The following CENPC variants were observed in gnomAD, a reference collection of about 807,000 sequenced individuals.
The protein encoded by CENPC is CENP-C 1.
In CENPC, 63 loss-of-function variants were observed where a neutral mutation model predicts 112.1. The observed-to-expected ratio is 0.56, with a 90% CI of 0.46 to 0.69. The LOEUF is 0.69. Among genes scored for constraint, CENPC ranks in the 30% least tolerant of loss-of-function variants. CENPC has a pLI of 0.00. For synonymous variants in CENPC, 333 were observed against 367.6 expected, an observed-to-expected ratio of 0.91 and a Z score of 1.08; for missense variants, 1,000 against 1,103.8, an observed-to-expected ratio of 0.91 and a Z score of 1.33.
intron 18 of CENPC, among the ~76,000 whole-genome samples, chr4:67,473,292 G>A (rs760476177): frequency 6.6e-6 from 1 of 152,086 alleles, no homozygotes; most frequent in Non-Finnish European, 1.5e-5. Context: ...ACAAATAACA[G>A]CAAAAGTGAA....
chr4:67,504,817 G>A (rs970254544), intron 12 of CENPC, among the ~76,000 whole-genome samples: 15 of 151,336 alleles, frequency 9.9e-5, no homozygotes, highest in East Asian at 1.9e-4. Flanking sequence ...GCGAGACTCC[G>A]TCTCAAACAA....
intron 9 of CENPC, among the ~76,000 whole-genome samples, chr4:67,511,568 T>C (rs1725892575): frequency 6.6e-6 from 1 of 152,194 alleles, no homozygotes; most frequent in Admixed American, 6.6e-5. Flanking sequence ...TTCAGGATTG[T>C]TCCCGTCATT....
chr4:67,502,841 G>C (rs964230118), intron 12 of CENPC, among the ~76,000 whole-genome samples: 5 of 151,984 alleles, frequency 3.3e-5, no homozygotes, highest in African/African-American at 1.2e-4. Flanking sequence ...TATACACCAC[G>C]TATCGTCCAT....
At chr4:67,490,842 AT>A (rs1560422675) in intron 16 of CENPC, among the ~76,000 whole-genome samples, 79 of 9,340 alleles carry the variant, frequency 8.5e-3, no homozygotes, top group South Asian at 0.015. Context: ...AAATAAATAT[AT>A]ATATATATAT....
chr4:67,528,548 T>C (rs1363533327), intron 5 of CENPC, among the ~76,000 whole-genome samples: 1 of 152,200 alleles, frequency 6.6e-6, no homozygotes, highest in African/African-American at 2.4e-5. Context: ...AAATACCTCA[T>C]GTAAGTAGAA....
intron 9 of CENPC, 98 bp downstream of exon 9, chr4:67,512,304 T>C (rs1725913653): frequency 1.2e-6 from 1 of 855,916 alleles, no homozygotes; most frequent in African/African-American, 1.8e-5. Context: ...AACTTGGTCC[T>C]CATGATATTC....
Position 67,508,977 on chromosome 4 carries a change from G to A in CENPC, c.1741C>T (p.Gln581Ter). ...IRKKTIPLKR[Q>*]KTATKGNQRV... ...TGGTTGCCTTTAGTTGCTGTCTTCT[G>A]CCTTTTAAGTGGAATAGTTTTTTTC... The change falls in exon 10 of 19, where the codon CAG becomes TAG. Residue 581 changes from glutamine to a stop codon, truncating the protein, a stop_gained. Coordinates refer to ENST00000273853, the MANE Select transcript of CENPC (RefSeq NM_001812.4). LOFTEE classifies it high-confidence loss of function. The A allele has an allele frequency of 6.2e-7, 1 of 1,613,398 alleles. No homozygotes were observed. Among genetic ancestry groups the A allele is most frequent in the South Asian group, 1.1e-5 (1 of 91,060 alleles).
chr4:67,495,278 T>C, intron 12 of CENPC, 66 bp from the exon 13 acceptor site: 1 of 1,374,484 alleles, frequency 7.3e-7, no homozygotes, highest in African/African-American at 1.5e-5. Flanking sequence ...TAAAATGTGT[T>C]TCCTGGTCAA....
chr4:67,541,475 T>A (rs1726889206), intron 2 of CENPC, among the ~76,000 whole-genome samples: 1 of 152,176 alleles, frequency 6.6e-6, no homozygotes, highest in Admixed American at 6.5e-5. Flanking sequence ...ATCTTAACAG[T>A]TTATGAATCA....
At chr4:67,475,549 G>A (rs1189789848) in intron 17 of CENPC, among the ~76,000 whole-genome samples, 4 of 152,154 alleles carry the variant, frequency 2.6e-5, no homozygotes, top group Non-Finnish European at 5.9e-5. Context: ...AGAATACCTG[G>A]TCAAGCTCAT....
intron 8 of CENPC, among the ~76,000 whole-genome samples, chr4:67,513,801 C>G (rs1037450889): frequency 1.3e-5 from 2 of 152,014 alleles, no homozygotes; most frequent in Non-Finnish European, 2.9e-5. Context: ...ATCATTCTGT[C>G]TTATTCATCT....
intron 3 of CENPC, 134 bp from the exon 4 acceptor site, chr4:67,540,068 G>A: frequency 2.0e-6 from 1 of 493,534 alleles, no homozygotes; most frequent in Admixed American, 4.3e-5. Context: ...AAATCAAGTA[G>A]AGACCTCAAT....
In CENPC at chr4:67,519,087, T is replaced by C. The variant is rs1726141678; in HGVS notation, c.617+130A>G. 4.5e-6 allele frequency: 3 copies of C among 672,010 alleles called. No individual in the cohort carries two copies. In the South Asian group the frequency reaches 8.0e-5, roughly 18 times the overall value. The allele number at this position is 672,010 out of a possible 1,614,324, so 41.6% of individuals were successfully genotyped here. ...ACAAACTGAATATATGCTAAATGTA[T>C]ACTTTCTCATAACATGTTAATATTC... On this transcript the variant is annotated intron_variant, in intron 6 of 18. Transcript: ENST00000273853.
intron 17 of CENPC, among the ~76,000 whole-genome samples, chr4:67,487,482 C>A (rs1725125278): frequency 6.6e-6 from 1 of 151,776 alleles, no homozygotes; most frequent in Admixed American, 6.6e-5. Flanking sequence ...TTAATGGTTT[C>A]TGATTAGTAG....
chr4:67,520,790 T>A (rs779508129), intron 5 of CENPC, among the ~76,000 whole-genome samples: 13 of 152,076 alleles, frequency 8.5e-5, no homozygotes, highest in Non-Finnish European at 1.8e-4. Flanking sequence ...AACGGGTGGA[T>A]CACTGGAGGC....
chr4:67,511,089 T>A lies in CENPC; in HGVS notation c.1612+1313A>T, dbSNP rs1276407674. On this transcript the variant is annotated intron_variant, in intron 9 of 18. Transcript: ENST00000273853. ...ATTATTTAACACTTCAATACTAACA[T>A]ATGCCACCTACTATGCTAATTGCAT... is the stretch of plus-strand genomic sequence containing the variant. The A allele has an allele frequency of 1.1e-5, 5 of 454,590 alleles. No homozygotes were observed. In the Admixed American group the frequency reaches 1.2e-4, roughly 11 times the overall value. 28.2% of individuals were successfully genotyped at this position (454,590 alleles called of 1,614,324 possible). A position where few individuals can be genotyped will look rare whatever the true frequency, so the allele number is the denominator to read the frequency against.
At chr4:67,479,876 A>C (rs1052897713) in intron 17 of CENPC, among the ~76,000 whole-genome samples, 20 of 152,246 alleles carry the variant, frequency 1.3e-4, no homozygotes, top group Non-Finnish European at 2.9e-4. Context: ...TCGTATGAAC[A>C]CCTTTATGTA....
At chr4:67,475,473 T>C (rs901193540) in intron 17 of CENPC, among the ~76,000 whole-genome samples, 1 of 152,238 alleles carries the variant, frequency 6.6e-6, no homozygotes, top group Non-Finnish European at 1.5e-5. Context: ...AGATTCGTCC[T>C]TACAGCCTCC....
chr4:67,506,783 C>G lies in CENPC; in HGVS notation c.2051+5G>C, dbSNP rs757145062. On this transcript the variant is annotated splice_donor_5th_base_variant and intron_variant, in intron 11 of 18. Transcript: ENST00000273853. Reference sequence around the variant, plus strand: ...ACAACTATTATCCTTACAATACACGCATACCTTTCCTCTAAAACTGAAGTC... The same window carrying G: ...ACAACTATTATCCTTACAATACACGGATACCTTTCCTCTAAAACTGAAGTC... 6.3e-7 allele frequency: 1 copy of G among 1,585,158 alleles called. No homozygotes were observed. The highest frequency in any genetic ancestry group is 2.3e-5 in the East Asian group (1 of 43,988).
Sources: allele counts gnomAD v4.1 joint callset (sites outside exome capture counted in the v4.1 genomes callset), GRCh38; gene constraint gnomAD v4.1.1; transcripts MANE v1.5; gene names NCBI Gene and HGNC (gene_info 2026-07-23, HGNC 2026-07-21).